M6PR: variants seen among roughly 807,000 people sequenced by gnomAD.
The protein encoded by M6PR is mannose-6-phosphate receptor, cation dependent.
A neutral mutation model predicts 33.1 loss-of-function variants in M6PR; 19 were observed. The observed-to-expected ratio is 0.57, with a 90% confidence interval of 0.40 to 0.84. M6PR has a LOEUF of 0.84. Ranked by LOEUF, M6PR falls within the 40% of genes least tolerant of loss-of-function variation. The pLI, the probability that M6PR is intolerant of heterozygous loss-of-function variation, is 0.00. For synonymous variants in M6PR, 111 were observed against 123.4 expected (o/e 0.90, Z 0.67); for missense variants, 295 against 336.0 (o/e 0.88, Z 0.95).
Position 8,942,492 on chromosome 12 carries a change from C to T in M6PR, c.635G>A (p.Arg212Gln). The part of the protein sequence containing the change: ...VYVVGGFLYQ[R>Q]LVVGAKGMEQ... ...CATTCCTTTGGCTCCCACTACCAGT[C>T]GCTGGTATAGGAACCCCCCAACAAC... Residue 212 changes from arginine to glutamine, a missense_variant, in exon 6 of 7, where the codon CGA becomes CAA. Physicochemically the swap from Arg to Gln is conservative, Grantham distance 43 (BLOSUM62 1). Coordinates refer to ENST00000000412, the MANE Select transcript of M6PR (RefSeq NM_002355.4). The T allele has an allele frequency of 1.2e-6, 2 of 1,614,070 alleles. No individual in the cohort carries two copies. The highest frequency in any genetic ancestry group is 1.7e-6 in the Non-Finnish European group (2 of 1,179,948).
intron 1 of M6PR, among the ~76,000 whole-genome samples, chr12:8,947,393 C>T (rs1279965137): frequency 6.6e-6 from 1 of 152,142 alleles, no homozygotes; most frequent in Non-Finnish European, 1.5e-5. Context: ...TAACATCTGA[C>T]CTTCCACTTC....
chr12:8,945,662 A>G (rs113197456), intron 2 of M6PR, 78 bp from the exon 3 acceptor site: 2 of 1,199,824 alleles, frequency 1.7e-6, no homozygotes, highest in Non-Finnish European at 2.4e-6. Context: ...CCTTTCCTTA[A>G]TTAAAACAAA....
intron 1 of M6PR, among the ~76,000 whole-genome samples, chr12:8,948,833 C>T (rs751874419): frequency 2.0e-5 from 3 of 152,344 alleles, no homozygotes; most frequent in African/African-American, 7.2e-5. Context: ...ACTGTCTTCC[C>T]GCTGGCTCCT....
At chr12:8,946,138 A>G in intron 2 of M6PR, 91 bp downstream of exon 2, 2 of 1,319,800 alleles carry the variant, frequency 1.5e-6, no homozygotes, top group South Asian at 2.8e-5. Flanking sequence ...TCTATGTCAT[A>G]AAAGAGAGCA....
intron 3 of M6PR, 31 bp downstream of exon 3, chr12:8,945,387 C>T: frequency 6.2e-7 from 1 of 1,610,966 alleles, no homozygotes. Context: ...ATCAGTTAGT[C>T]AATCGATGGT....
rs1211852407 is a variant in M6PR at position 8,949,038 on chromosome 12, T to C, written c.-2+450A>G. On this transcript the variant is annotated intron_variant, in intron 1 of 6. Coordinates refer to ENST00000000412, the MANE Select transcript of M6PR (RefSeq NM_002355.4). This position sits in a 1 kb window ranked among gnomAD's most constrained non-coding sequence, Gnocchi z 5.6. ...ATAATCCGTCCATCAGCCATTCTTA[T>C]CCACACCACAGTCGCATCCCCCTCA... is the stretch of plus-strand genomic sequence containing the variant. 6.6e-6 allele frequency among the ~76,000 whole-genome samples: 1 copy of C among 152,166 alleles called. No individual in the cohort carries two copies. Among genetic ancestry groups the C allele is most frequent in the African/African-American group, 2.4e-5 (1 of 41,426 alleles).
chr12:8,943,270 A>G, intron 5 of M6PR, 135 bp downstream of exon 5: 1 of 1,075,216 alleles, frequency 9.3e-7, no homozygotes, highest in South Asian at 1.6e-5. Context: ...TTATAGCCAG[A>G]GGATTTAAAA....
rs1946084979 is a variant in M6PR at position 8,945,701 on chromosome 12, G to C, written c.177-117C>G. On this transcript the variant is annotated intron_variant, in intron 2 of 6. Coordinates refer to ENST00000000412, the MANE Select transcript of M6PR (RefSeq NM_002355.4). ...AACAACATGCTCGATTTATTTATTTGAGGTCATGGCTGAGTGAATATTTGT... is the reference window on the plus strand; with the variant it reads ...AACAACATGCTCGATTTATTTATTTCAGGTCATGGCTGAGTGAATATTTGT... 4 of 796,058 alleles carry C rather than the reference G, an allele frequency of 5.0e-6. No individual in the cohort carries two copies. The South Asian group carries it at 7.2e-5, about 14-fold the overall frequency. The allele number at this position is 796,058 out of a possible 1,614,324, so 49.3% of individuals were successfully genotyped here.
rs1421920436 is a variant in M6PR at position 8,943,443 on chromosome 12, C to G, written c.546G>C (p.Glu182Asp). Residue 182 changes from glutamate (E) to aspartate (D), a missense_variant, in exon 5 of 7, where the codon GAG (glutamate) becomes GAC (aspartate). Glu to Asp is a conservative substitution (Grantham distance 45). Coordinates refer to ENST00000000412, the MANE Select transcript of M6PR (RefSeq NM_002355.4). Reference sequence around the variant, plus strand: ...TGGAACCCACACTGAGGTGGGAGATCTCTGGTGAACAGGCCAGGCTGCTAT... The same window carrying G: ...TGGAACCCACACTGAGGTGGGAGATGTCTGGTGAACAGGCCAGGCTGCTAT... ...EMDSSLACSP[E>D]ISHLSVGSIL... The G allele has an allele frequency of 1.2e-6, 2 of 1,614,058 alleles. No individual in the cohort carries two copies. The highest frequency in any genetic ancestry group is 8.5e-7 in the Non-Finnish European group (1 of 1,180,036).
In M6PR at chr12:8,943,541, G is replaced by T; in HGVS notation, c.454-6C>A. ...GACACAGGGTTAAAATTGTCCTGATGATGAGATGGCATAACACATTCAGGT... is the reference window on the plus strand; with the variant it reads ...GACACAGGGTTAAAATTGTCCTGATTATGAGATGGCATAACACATTCAGGT... On this transcript the variant is annotated splice_polypyrimidine_tract_variant and splice_region_variant and intron_variant, in intron 4 of 6. Coordinates refer to ENST00000000412, the MANE Select transcript of M6PR (RefSeq NM_002355.4). 6.2e-7 allele frequency: 1 copy of T among 1,614,158 alleles called. No individual in the cohort carries two copies. The highest frequency in any genetic ancestry group is 8.5e-7 in the Non-Finnish European group (1 of 1,180,008).
intron 1 of M6PR, among the ~76,000 whole-genome samples, chr12:8,947,837 T>G (rs12296353): frequency 0.081 from 4,610 of 56,574 alleles, 238 homozygotes; most frequent in African/African-American, 0.23. Flanking sequence ...AAACTGTGGG[T>G]TTTTTTTTTT....
In M6PR at chr12:8,942,429, C is replaced by G. The variant is rs749602677; in HGVS notation, c.698G>C (p.Gly233Ala). Residue 233 changes from glycine (G) to alanine (A), a missense_variant, in exon 6 of 7, where the codon GGC becomes GCC. By Grantham distance (60) the Gly-to-Ala change is moderately conservative. Transcript: ENST00000000412. Reference protein sequence around the residue: ...FPHLAFWQDLGNLVADGCDFV... With the variant: ...FPHLAFWQDLANLVADGCDFV... ...CCTGTTACTTACTGCTACCAGGTTG[C>G]CAAGATCCTGCCAGAAGGCTAAGTG... is the stretch of plus-strand genomic sequence containing the variant. 12 of 1,614,150 alleles carry G rather than the reference C, an allele frequency of 7.4e-6. No homozygotes were observed. Among genetic ancestry groups the G allele is most frequent in the Non-Finnish European group, 1.0e-5 (12 of 1,180,006 alleles).
intron 3 of M6PR, among the ~76,000 whole-genome samples, chr12:8,944,828 AG>A (rs1946071874): frequency 6.6e-6 from 1 of 152,208 alleles, no homozygotes; most frequent in African/African-American, 2.4e-5. Context: ...ACTCATTAAA[AG>A]TATTTGGGTG....
chr12:8,942,586 G>A lies in M6PR; in HGVS notation c.585-44C>T, dbSNP rs369193605. On this transcript the variant is annotated intron_variant, in intron 5 of 6. Transcript: ENST00000000412. Reference sequence around the variant, plus strand: ...ATCTATACTTAAGAACTGGGAAATAGTAAAAACTCAGATAGGATAACCTCT... The same window carrying A: ...ATCTATACTTAAGAACTGGGAAATAATAAAAACTCAGATAGGATAACCTCT... 5.0e-6 allele frequency: 8 copies of A among 1,598,902 alleles called. No homozygotes were observed. The Admixed American group carries it at 1.4e-4, about 27-fold the overall frequency.
At chr12:8,942,632 C>T (rs969052535) in intron 5 of M6PR, 90 bp from the exon 6 acceptor site, 1 of 1,347,130 alleles carries the variant, frequency 7.4e-7, no homozygotes, top group Admixed American at 2.1e-5. Flanking sequence ...TCAGCTGTTT[C>T]CTAAGATACA....
Position 8,943,538 on chromosome 12 carries a change from G to T in M6PR, c.454-3C>A, listed in dbSNP as rs903947458. ...TCAGACACAGGGTTAAAATTGTCCT[G>T]ATGATGAGATGGCATAACACATTCA... On this transcript the variant is annotated splice_polypyrimidine_tract_variant and splice_region_variant and intron_variant, in intron 4 of 6. Coordinates refer to ENST00000000412, the MANE Select transcript of M6PR (RefSeq NM_002355.4). 1.9e-6 allele frequency: 3 copies of T among 1,614,030 alleles called. No homozygotes were observed. In the African/African-American group the frequency reaches 4.0e-5, roughly 22 times the overall value.
At chr12:8,942,563 C>CT (rs1353554740) in intron 5 of M6PR, 21 bp from the exon 6 acceptor site, 3 of 1,611,726 alleles carry the variant, frequency 1.9e-6, no homozygotes, top group Non-Finnish European at 2.5e-6. Context: ...AGAAAGACAT[C>CT]TATACTTAAG....
chr12:8,942,227 G>T, intron 6 of M6PR, 189 bp downstream of exon 6: 2 of 741,978 alleles, frequency 2.7e-6, no homozygotes, highest in Non-Finnish European at 4.3e-6. Flanking sequence ...GTCTTACCAA[G>T]GCCAGAAATG....
chr12:8,941,728 G>T lies in M6PR; in HGVS notation c.*90C>A. 1 of 1,506,182 alleles carries T rather than the reference G, an allele frequency of 6.6e-7. No homozygotes were observed. Among genetic ancestry groups the T allele is most frequent in the Non-Finnish European group, 9.2e-7 (1 of 1,086,180 alleles). 93.3% of individuals were successfully genotyped at this position (1,506,182 alleles called of 1,614,324 possible). On this transcript the variant is annotated 3_prime_UTR_variant, in exon 7 of 7. Coordinates refer to ENST00000000412, the MANE Select transcript of M6PR (RefSeq NM_002355.4). ...GCAAGAGCAATAGTAAGGGTGAGAT[G>T]AGGGACTGGAGTTGAGACTGCTTGA...
Sources: allele counts gnomAD v4.1 joint callset (sites outside exome capture counted in the v4.1 genomes callset), GRCh38; gene constraint gnomAD v4.1.1; non-coding constraint Gnocchi (gnomAD v3.1); transcripts MANE v1.5; gene names NCBI Gene and HGNC (gene_info 2026-07-23, HGNC 2026-07-21).